UNC5C: variants seen among roughly 807,000 people sequenced by gnomAD.
UNC5C encodes unc-5 netrin receptor C.
A neutral mutation model predicts 99.8 loss-of-function variants in UNC5C; 47 were observed. The observed-to-expected ratio is 0.47, with a 90% CI of 0.37 to 0.60. The LOEUF is 0.60. Among genes scored for constraint, UNC5C ranks in the 20% least tolerant of loss-of-function variants. The probability of loss-of-function intolerance (pLI) is 0.00; values close to 1 mark genes in which losing one functional copy is unlikely to be tolerated. For missense variants in UNC5C, 1,062 were observed against 1,165.9 expected, an observed-to-expected ratio of 0.91 and a Z score of 1.30; for synonymous variants, 487 against 452.2, an observed-to-expected ratio of 1.08 and a Z score of -0.98.
chr4:95,173,849 C>G (rs1356272578), intron 14 of UNC5C, among the ~76,000 whole-genome samples: 3 of 151,974 alleles, frequency 2.0e-5, no homozygotes, highest in Non-Finnish European at 4.4e-5. Context: ...TGGTAGAATT[C>G]GGCTGTGAAT....
At chr4:95,507,548 A>C (rs1376900534) in intron 1 of UNC5C, among the ~76,000 whole-genome samples, 1 of 151,818 alleles carries the variant, frequency 6.6e-6, no homozygotes, top group African/African-American at 2.4e-5. Context: ...TCCTCTACAC[A>C]CTTGTAGCAC....
intron 1 of UNC5C, among the ~76,000 whole-genome samples, chr4:95,493,005 G>T (rs578200747): frequency 1.2e-3 from 186 of 151,400 alleles, no homozygotes; most frequent in Non-Finnish European, 2.2e-3. Context: ...CTACAGAAAA[G>T]CTAAAAAATA....
intron 2 of UNC5C, among the ~76,000 whole-genome samples, chr4:95,330,679 A>C (rs183207102): frequency 1.3e-5 from 2 of 152,130 alleles, no homozygotes; most frequent in Non-Finnish European, 2.9e-5. Context: ...ATTTGTCATA[A>C]ATGATAATTT....
intron 1 of UNC5C, among the ~76,000 whole-genome samples, chr4:95,532,341 T>A (rs1722669567): frequency 6.6e-6 from 1 of 151,692 alleles, no homozygotes; most frequent in African/African-American, 2.4e-5. Flanking sequence ...AAGTGGGTGA[T>A]GAAGAGAACC....
At chr4:95,350,095 AT>A (rs1743930617) in intron 1 of UNC5C, among the ~76,000 whole-genome samples, 1 of 152,184 alleles carries the variant, frequency 6.6e-6, no homozygotes, top group South Asian at 2.1e-4. Flanking sequence ...TTTATAACTA[AT>A]TTGTAACTCA....
At chr4:95,523,800 T>G (rs989154996) in intron 1 of UNC5C, among the ~76,000 whole-genome samples, 3 of 152,192 alleles carry the variant, frequency 2.0e-5, no homozygotes, top group Admixed American at 6.5e-5. Context: ...ATTCAAACAA[T>G]GTTACCTTTA....
intron 4 of UNC5C, among the ~76,000 whole-genome samples, chr4:95,257,073 C>A (rs1349964802): frequency 1.3e-5 from 2 of 152,116 alleles, no homozygotes; most frequent in African/African-American, 2.4e-5. Flanking sequence ...CACAGACACA[C>A]CCAGGATCAA....
At chr4:95,479,845 T>C (rs55750513) in intron 1 of UNC5C, among the ~76,000 whole-genome samples, 10,119 of 151,972 alleles carry the variant, frequency 0.067, 821 homozygotes, top group African/African-American at 0.19. Context: ...CTGGATGAGA[T>C]TGACATGGGA....
At chr4:95,207,911 C>A (rs1460310013) in intron 10 of UNC5C, among the ~76,000 whole-genome samples, 1 of 152,164 alleles carries the variant, frequency 6.6e-6, no homozygotes, top group Non-Finnish European at 1.5e-5. Context: ...CTGTATGTAT[C>A]CTTGATTTGC....
intron 1 of UNC5C, among the ~76,000 whole-genome samples, chr4:95,381,543 C>G (rs781244182): frequency 2.0e-5 from 3 of 152,096 alleles, no homozygotes; most frequent in Non-Finnish European, 4.4e-5. Context: ...ATATCACTGT[C>G]CGTGAGACAG....
intron 10 of UNC5C, among the ~76,000 whole-genome samples, chr4:95,207,078 C>G (rs1384760570): frequency 1.3e-5 from 2 of 151,998 alleles, no homozygotes; most frequent in Non-Finnish European, 2.9e-5. Flanking sequence ...TGGTAGCTTC[C>G]TCCAAATTTA....
chr4:95,440,084 C>G (rs540341488), intron 1 of UNC5C, among the ~76,000 whole-genome samples: 1 of 152,158 alleles, frequency 6.6e-6, no homozygotes, highest in Non-Finnish European at 1.5e-5. Context: ...GTGGTTCTGC[C>G]TCTGCTGTTC....
intron 1 of UNC5C, among the ~76,000 whole-genome samples, chr4:95,514,162 G>T (rs1266726018): frequency 6.6e-6 from 1 of 151,970 alleles, no homozygotes; most frequent in Non-Finnish European, 1.5e-5. Context: ...CAAGATAATT[G>T]TTCAAAAATT....
intron 7 of UNC5C, among the ~76,000 whole-genome samples, chr4:95,233,091 G>T (rs894871049): frequency 2.6e-5 from 4 of 152,174 alleles, no homozygotes; most frequent in African/African-American, 9.7e-5. Flanking sequence ...AAATCCACCT[G>T]GGCTTCTGGG....
intron 14 of UNC5C, among the ~76,000 whole-genome samples, chr4:95,173,025 G>A (rs932829524): frequency 1.3e-5 from 2 of 152,070 alleles, no homozygotes; most frequent in African/African-American, 4.8e-5. Context: ...GTTCACTCAT[G>A]ATTTGGCCCT....
chr4:95,500,870 T>A (rs923186470), intron 1 of UNC5C, among the ~76,000 whole-genome samples: 1 of 152,136 alleles, frequency 6.6e-6, no homozygotes. Flanking sequence ...TGGGTTTATG[T>A]ACAAATACCG....
In UNC5C at chr4:95,276,238, G is replaced by T. The variant is rs555959802; in HGVS notation, c.594+2021C>A. 1.3e-3 allele frequency among the ~76,000 whole-genome samples: 194 copies of T among 152,218 alleles called. 1 individual carries two copies. Among genetic ancestry groups the T allele is most frequent in the South Asian group, 7.9e-3 (38 of 4,820 alleles). On this transcript the variant is annotated intron_variant, in intron 4 of 15. Coordinates refer to ENST00000453304, the MANE Select transcript of UNC5C (RefSeq NM_003728.4). ...AAAGAATCTACACAGGAATTTATTAGCCTGCTCTTGAGCATGTATGTTTGA... is the reference window on the plus strand; with the variant it reads ...AAAGAATCTACACAGGAATTTATTATCCTGCTCTTGAGCATGTATGTTTGA...
chr4:95,214,397 C>T (rs1027440609), intron 10 of UNC5C, among the ~76,000 whole-genome samples: 13 of 152,218 alleles, frequency 8.5e-5, no homozygotes, highest in African/African-American at 2.9e-4. Flanking sequence ...AGATGGTAGG[C>T]ATAGCAAGGA....
chr4:95,513,776 C>T (rs1446931194), intron 1 of UNC5C, among the ~76,000 whole-genome samples: 2 of 152,008 alleles, frequency 1.3e-5, no homozygotes, highest in Admixed American at 6.6e-5. Context: ...ATTCAAACTT[C>T]GATATATTTT....
Sources: gnomAD v4.1 joint callset for allele counts (sites outside exome capture counted in the v4.1 genomes callset) on GRCh38, gnomAD v4.1.1 for gene constraint, MANE v1.5 for transcripts, NCBI Gene and HGNC (gene_info 2026-07-23, HGNC 2026-07-21) for gene names.